The following PCM1 variants were observed in gnomAD, a reference collection of about 807,000 sequenced individuals.
PCM1 encodes pericentriolar material 1.
PCM1 carries 157 observed loss-of-function variants against 241.9 expected under a neutral mutation model. That is an observed-to-expected ratio of 0.65 (90% CI 0.57 to 0.74). The LOEUF (loss-of-function observed/expected upper bound fraction) is 0.74. PCM1 is among the 30% of genes least tolerant of loss of function. The pLI is 0.00. For missense variants in PCM1, 3,478 were observed against 2,360.1 expected, an observed-to-expected ratio of 1.47 and a Z score of -9.81; for synonymous variants, 1,085 against 784.9, an observed-to-expected ratio of 1.38 and a Z score of -6.39.
intron 18 of PCM1, among the ~76,000 whole-genome samples, chr8:17,965,080 C>T (rs2074305369): frequency 6.6e-6 from 1 of 151,790 alleles, no homozygotes. Context: ...TCACGAAATA[C>T]AGGAAAAGAC....
At chr8:17,940,197 G>T in intron 6 of PCM1, 1 of 1,081,200 alleles carries the variant, frequency 9.2e-7, no homozygotes, top group Non-Finnish European at 1.3e-6. Flanking sequence ...TGGAAATGAA[G>T]GTTTAAATTT....
chr8:18,005,833 A>G (rs73666808), intron 29 of PCM1, among the ~76,000 whole-genome samples: 1,776 of 152,292 alleles, frequency 0.012, 41 homozygotes, highest in African/African-American at 0.04. Context: ...GGATGTCAAT[A>G]ATGTGAAGGT....
intron 23 of PCM1, among the ~76,000 whole-genome samples, chr8:17,977,283 C>A (rs984833245): frequency 2.0e-5 from 3 of 152,052 alleles, no homozygotes; most frequent in Non-Finnish European, 4.4e-5. Flanking sequence ...CAGTAAATTT[C>A]ATGCAGACTC....
intron 23 of PCM1, 101 bp from the exon 24 acceptor site, chr8:17,980,490 T>A: frequency 1.2e-6 from 1 of 866,894 alleles, no homozygotes; most frequent in Non-Finnish European, 1.8e-6. Flanking sequence ...CTTCCTAGCA[T>A]TGTAAATTGA....
intron 36 of PCM1, among the ~76,000 whole-genome samples, chr8:18,018,879 T>TATAC (rs1417714546): frequency 2.5e-3 from 89 of 35,542 alleles, no homozygotes; most frequent in Middle Eastern, 0.02. Flanking sequence ...TATATATATA[T>TATAC]ACACACACAT....
Position 17,986,064 on chromosome 8 carries a change from G to C in PCM1, c.4387G>C (p.Glu1463Gln). ...ATCAAACTCAGAACTTACTCCTAGTGAGAGCCTTGCTACTACTGATGATGT... is the reference window on the plus strand; with the variant it reads ...ATCAAACTCAGAACTTACTCCTAGTCAGAGCCTTGCTACTACTGATGATGT... The part of the protein sequence containing the change: ...IASNSELTPS[E>Q]SLATTDDETF... The change falls in exon 26 of 39, where the codon GAG (glutamate) becomes CAG (glutamine). Residue 1463 changes from glutamate to glutamine, a missense_variant. Glu to Gln is a conservative substitution (Grantham distance 29). Transcript: ENST00000325083. 3 of 1,594,284 alleles carry C rather than the reference G, an allele frequency of 1.9e-6. No individual in the cohort carries two copies. In the South Asian group the frequency reaches 3.4e-5, roughly 18 times the overall value.
chr8:18,009,335 A>G (rs1010986526), intron 30 of PCM1, among the ~76,000 whole-genome samples: 1 of 152,200 alleles, frequency 6.6e-6, no homozygotes, highest in Non-Finnish European at 1.5e-5. Flanking sequence ...AATATAGATG[A>G]CCATATATGT....
chr8:18,011,936 T>TGAAA, intron 34 of PCM1, 109 bp downstream of exon 34: 1 of 979,052 alleles, frequency 1.0e-6, no homozygotes. Context: ...TATTCAGGTT[T>TGAAA]CATGAATGCA....
rs1169125882 is a variant in PCM1, at chr8:17,957,409, C to A, written c.1792C>A (p.Pro598Thr). The A allele has an allele frequency of 6.2e-7, 1 of 1,611,874 alleles. No homozygotes were observed. Among genetic ancestry groups the A allele is most frequent in the Admixed American group, 1.7e-5 (1 of 60,008 alleles). Residue 598 changes from proline to threonine, a missense_variant, in exon 12 of 39, where the codon CCT becomes ACT. Pro to Thr is a conservative substitution (Grantham distance 38). Transcript: ENST00000325083. ...SAANIRALNMPPSLDCRYNRE... is the reference protein window; with the variant it reads ...SAANIRALNMTPSLDCRYNRE... ...TGCCAACATAAGGGCTCTAAACATG[C>A]CTCCTTCTTTAGGTATGACTGACTG...
chr8:17,931,755 T>A (rs2059112936), intron 2 of PCM1, among the ~76,000 whole-genome samples: 1 of 152,130 alleles, frequency 6.6e-6, no homozygotes, highest in Non-Finnish European at 1.5e-5. Flanking sequence ...TGTTTTATTC[T>A]TCAGTATTAC....
chr8:18,012,876 AACTTCTGAAC>A (rs1341374659), intron 34 of PCM1, among the ~76,000 whole-genome samples: 4 of 152,046 alleles, frequency 2.6e-5, no homozygotes, highest in African/African-American at 9.7e-5. Context: ...TCATATTTTT[AACTTCTGAAC>A]ACTTTCTTTT....
intron 3 of PCM1, among the ~76,000 whole-genome samples, chr8:17,936,758 T>G (rs1167186069): frequency 6.6e-6 from 1 of 152,204 alleles, no homozygotes; most frequent in African/African-American, 2.4e-5. Flanking sequence ...CTCTTTTTGA[T>G]ACGTACTGAC....
intron 1 of PCM1, 68 bp from the exon 2 acceptor site, chr8:17,924,645 A>AT: frequency 6.6e-6 from 1 of 152,338 alleles, no homozygotes; most frequent in African/African-American, 2.4e-5. Context: ...AAACTGAAGT[A>AT]TTTTTTATTC....
rs2056219931 is a variant in PCM1 at position 17,924,713 on chromosome 8, G to C, written c.-90G>C. 1 of 152,118 alleles carries C rather than the reference G, an allele frequency of 6.6e-6. No homozygotes were observed. Among genetic ancestry groups the C allele is most frequent in the Non-Finnish European group, 1.5e-5 (1 of 68,026 alleles). 9.4% of individuals were successfully genotyped at this position (152,118 alleles called of 1,614,324 possible). ...GATACATATTTTTAATCCTAATTAGGAAACAGCTTTGAAGTGTGGAGCGGG... is the reference window on the plus strand; with the variant it reads ...GATACATATTTTTAATCCTAATTAGCAAACAGCTTTGAAGTGTGGAGCGGG... On this transcript the variant is annotated splice_region_variant and 5_prime_UTR_variant, in exon 2 of 39. Coordinates refer to ENST00000325083, the MANE Select transcript of PCM1 (RefSeq NM_006197.4).
chr8:17,958,035 A>C (rs1248475142), intron 13 of PCM1, among the ~76,000 whole-genome samples: 1 of 152,246 alleles, frequency 6.6e-6, no homozygotes, highest in African/African-American at 2.4e-5. Flanking sequence ...GCAGCCATAC[A>C]TAATACATAA....
intron 36 of PCM1, among the ~76,000 whole-genome samples, chr8:18,016,797 ACGAT>A: frequency 6.6e-6 from 1 of 152,182 alleles, no homozygotes; most frequent in Non-Finnish European, 1.5e-5. Flanking sequence ...TTCACTCTGG[ACGAT>A]GTGACAGAAA....
At chr8:17,968,165 A>G (rs189840569) in intron 21 of PCM1, among the ~76,000 whole-genome samples, 5 of 152,330 alleles carry the variant, frequency 3.3e-5, no homozygotes, top group Non-Finnish European at 5.9e-5. Flanking sequence ...GTTATAAAGC[A>G]ATGAAATAGT....
intron 36 of PCM1, among the ~76,000 whole-genome samples, chr8:18,020,999 G>A (rs1318757748): frequency 2.0e-5 from 3 of 152,184 alleles, no homozygotes; most frequent in Non-Finnish European, 4.4e-5. Flanking sequence ...GGAAATGCAT[G>A]TGTGGACTTT....
intron 36 of PCM1, among the ~76,000 whole-genome samples, chr8:18,018,850 G>GTATATATA (rs1266240810): frequency 1.5e-4 from 6 of 39,382 alleles, no homozygotes; most frequent in African/African-American, 4.4e-4. Flanking sequence ...GTGTGTGTGT[G>GTATATATA]TGTATATATA....
Sources: allele counts gnomAD v4.1 joint callset (sites outside exome capture counted in the v4.1 genomes callset), GRCh38; gene constraint gnomAD v4.1.1; transcripts MANE v1.5; gene names NCBI Gene and HGNC (gene_info 2026-07-23, HGNC 2026-07-21).